Variants in MASP1 observed in about 807,000 individuals in gnomAD.
The protein encoded by MASP1 is MBL associated serine protease 1.
Under a neutral mutation model 77.1 loss-of-function variants are expected in MASP1, and 59 were observed. The ratio of observed to expected loss-of-function variants is 0.77; its 90% confidence interval spans 0.62 to 0.95. The LOEUF (loss-of-function observed/expected upper bound fraction) is 0.95, where lower values mean the gene tolerates loss of function less well. Ranked by LOEUF, MASP1 falls within the 40% of genes least tolerant of loss-of-function variation. The pLI, the probability that MASP1 is intolerant of heterozygous loss-of-function variation, is 0.00. For missense variants in MASP1, 885 were observed against 912.9 expected, an observed-to-expected ratio of 0.97 and a Z score of 0.39; for synonymous variants, 362 against 354.5, an observed-to-expected ratio of 1.02 and a Z score of -0.24.
intron 13 of MASP1, among the ~76,000 whole-genome samples, chr3:187,224,879 C>T (rs1712318537): frequency 6.6e-6 from 1 of 152,198 alleles, no homozygotes; most frequent in Admixed American, 6.5e-5. Flanking sequence ...TTCCTTAGCA[C>T]GTTAGACTCT....
At chr3:187,253,364 A>AGCCAAAATGGCCAAAATG in intron 5 of MASP1, 49 bp from the exon 6 acceptor site, 1 of 1,606,966 alleles carries the variant, frequency 6.2e-7, no homozygotes, top group Non-Finnish European at 8.5e-7. Context: ...CCATCTGAGC[A>AGCCAAAATGGCCAAAATG]GCCAAAATGG....
chr3:187,225,261 G>A (rs1712344873), intron 13 of MASP1: 2 of 1,577,140 alleles, frequency 1.3e-6, no homozygotes, highest in Non-Finnish European at 1.7e-6. Context: ...CTTCACCAAC[G>A]TGAAGACGGA....
Position 187,253,377 on chromosome 3 carries a change from A to G in MASP1, c.745-62T>C, listed in dbSNP as rs1714797640. The G allele has an allele frequency of 1.9e-6, 3 of 1,546,570 alleles. No homozygotes were observed. The East Asian group carries it at 6.7e-5, about 35-fold the overall frequency. ...TTCCATCTGAGCAGCCAAAATGGCC[A>G]CTGCAGGTAACACCTCTCCACTGCA... On this transcript the variant is annotated intron_variant, in intron 5 of 10. Transcript: ENST00000296280.
intron 2 of MASP1, among the ~76,000 whole-genome samples, chr3:187,270,682 T>C (rs1579561104): frequency 6.6e-6 from 1 of 152,366 alleles, no homozygotes; most frequent in East Asian, 1.9e-4. Context: ...GAATAATTTT[T>C]TCTTTAACAC....
chr3:187,243,423 C>G, intron 9 of MASP1, 61 bp downstream of exon 9: 3 of 1,593,550 alleles, frequency 1.9e-6, no homozygotes, highest in Non-Finnish European at 2.6e-6. Flanking sequence ...GGCCCCCAGT[C>G]CAACCCTGAG....
rs35472527 is a variant in MASP1 at position 187,220,242 on chromosome 3, C to T, written c.1929G>A (p.Ala643=). Residue 643 remains alanine, a synonymous_variant, in exon 16 of 16, where the codon GCG becomes GCA. Transcript: ENST00000337774. ...TCACCATGGGGCCTCCAGAGTCACC[C>T]GCACAGGCGTCCTTTCCCCCTAGGT... is the stretch of plus-strand genomic sequence containing the variant. The T allele has an allele frequency of 2.6e-3, 4,145 of 1,614,100 alleles. 28 individuals carry two copies. The highest frequency in any genetic ancestry group is 0.022 in the African/African-American group (1,645 of 75,020).
intron 4 of MASP1, among the ~76,000 whole-genome samples, chr3:187,258,777 C>T (rs1387287152): frequency 6.6e-6 from 1 of 152,208 alleles, no homozygotes; most frequent in African/African-American, 2.4e-5. Flanking sequence ...AAATACCAAG[C>T]TGTAAGTAAT....
At chr3:187,217,573 C>A (rs1237009686) in exon 16 of MASP1, 1 of 152,102 alleles carries the variant, frequency 6.6e-6, no homozygotes, top group African/African-American at 2.4e-5. Context: ...GAATGAGCTG[C>A]AATTGGGGGT....
At chr3:187,247,139 C>G in intron 8 of MASP1, 1 of 1,460,246 alleles carries the variant, frequency 6.8e-7, no homozygotes, top group Non-Finnish European at 9.0e-7. Flanking sequence ...ATGGGCAAAC[C>G]CTCAAGTGGA....
intron 9 of MASP1, chr3:187,241,810 G>A (rs374994520): frequency 5.0e-5 from 21 of 423,450 alleles, no homozygotes; most frequent in Middle Eastern, 7.2e-4. Context: ...TACCCACAGG[G>A]CTACCATCCT....
chr3:187,282,919 G>A (rs181528910), intron 2 of MASP1, among the ~76,000 whole-genome samples: 1 of 152,216 alleles, frequency 6.6e-6, no homozygotes, highest in African/African-American at 2.4e-5. Context: ...GGACTGTAGG[G>A]CACTTCAGGT....
At chr3:187,243,188 G>T (rs2108524971) in intron 9 of MASP1, 1 of 408,136 alleles carries the variant, frequency 2.5e-6, no homozygotes, top group South Asian at 2.2e-5. Context: ...GTGTCAGTGT[G>T]TGACTCCTTC....
chr3:187,253,448 T>TAGGTTTTTAGTG (rs2108545126), intron 5 of MASP1, 133 bp from the exon 6 acceptor site: 2 of 863,732 alleles, frequency 2.3e-6, no homozygotes, highest in East Asian at 4.9e-5. Flanking sequence ...GGTATTCACT[T>TAGGTTTTTAGTG]AGGTTTTTAG....
chr3:187,270,626 C>T (rs1385303642), intron 2 of MASP1, among the ~76,000 whole-genome samples: 1 of 152,202 alleles, frequency 6.6e-6, no homozygotes, highest in African/African-American at 2.4e-5. Flanking sequence ...CTTTTCATCC[C>T]TGTCCTGAAT....
chr3:187,227,762 G>A (rs1399114123), intron 11 of MASP1, among the ~76,000 whole-genome samples: 1 of 152,180 alleles, frequency 6.6e-6, no homozygotes, highest in African/African-American at 2.4e-5. Flanking sequence ...CCCAGGTTAG[G>A]ACAGCCTGCC....
exon 13 of MASP1, chr3:187,225,342 C>T (rs1401224195): frequency 1.4e-5 from 22 of 1,613,240 alleles, no homozygotes; most frequent in Middle Eastern, 3.7e-4. Flanking sequence ...TGGGGTCCCT[C>T]AGGCAGACAG....
At chr3:187,257,677 G>T (rs564799717) in intron 4 of MASP1, among the ~76,000 whole-genome samples, 4 of 152,108 alleles carry the variant, frequency 2.6e-5, no homozygotes, top group African/African-American at 4.8e-5. Context: ...GAGCCACCTC[G>T]CCCGGCCTCC....
chr3:187,228,099 A>T (rs1712540613), intron 11 of MASP1, among the ~76,000 whole-genome samples: 1 of 152,286 alleles, frequency 6.6e-6, no homozygotes, highest in Non-Finnish European at 1.5e-5. Context: ...AACATAAGTC[A>T]TAGGGAATAA....
rs184031288 is a variant in MASP1, at chr3:187,269,689, A to T, written c.238-6969T>A. The stretch of plus-strand genomic sequence containing the variant: ...CAACATGTGCCTGGCTAAATTTCAG[A>T]ATTACTATGGAGCAGTAATTGCTAT... On this transcript the variant is annotated intron_variant, in intron 2 of 10. Coordinates refer to ENST00000296280, the MANE Select transcript of MASP1 (RefSeq NM_139125.4). 6.1e-3 allele frequency among the ~76,000 whole-genome samples: 935 copies of T among 152,288 alleles called. 6 individuals carry two copies. The highest frequency in any genetic ancestry group is 0.017 in the Middle Eastern group (5 of 294).
Sources: allele counts gnomAD v4.1 joint callset (sites outside exome capture counted in the v4.1 genomes callset), GRCh38; gene constraint gnomAD v4.1.1; transcripts MANE v1.5; gene names NCBI Gene and HGNC (gene_info 2026-07-23, HGNC 2026-07-21).